ARHGAP23: variants seen among roughly 807,000 people sequenced by gnomAD.
ARHGAP23 encodes the protein rho GTPase-activating protein 23.
A neutral mutation model predicts 136.3 loss-of-function variants in ARHGAP23; 34 were observed. That is an observed-to-expected ratio of 0.25 (90% CI 0.19 to 0.33). The LOEUF (loss-of-function observed/expected upper bound fraction) is 0.33. Ranked by LOEUF, ARHGAP23 falls within the 10% of genes least tolerant of loss-of-function variation. ARHGAP23 has a pLI of 1.00. For synonymous variants in ARHGAP23, 832 were observed against 920.5 expected (o/e 0.90, Z 1.74); for missense variants, 1,808 against 2,139.0 (o/e 0.85, Z 3.05).
intron 19 of ARHGAP23, 118 bp downstream of exon 19, chr17:38,490,669 C>T (rs2040257602): frequency 1.2e-6 from 1 of 809,484 alleles, no homozygotes; most frequent in Admixed American, 2.0e-5. Flanking sequence ...TAGGCACGCC[C>T]TCCTCCTATG....
chr17:38,468,999 T>C (rs2039678207), intron 7 of ARHGAP23, 145 bp from the exon 8 acceptor site: 4 of 853,102 alleles, frequency 4.7e-6, no homozygotes, highest in East Asian at 5.5e-5. Context: ...CCAGTCATGC[T>C]TGACAGTGGG....
chr17:38,473,083 C>T (rs2039801031), intron 11 of ARHGAP23, among the ~76,000 whole-genome samples: 2 of 151,474 alleles, frequency 1.3e-5, no homozygotes, highest in African/African-American at 4.9e-5. Flanking sequence ...ACTACAGGCA[C>T]TCACCACCAA....
At chr17:38,490,696 C>A in intron 19 of ARHGAP23, 145 bp downstream of exon 19, 2 of 697,070 alleles carry the variant, frequency 2.9e-6, no homozygotes, top group Non-Finnish European at 5.2e-6. Context: ...CCGTCCCCAC[C>A]CCGCTCCTAC....
Position 38,472,643 on chromosome 17 carries a change from A to G in ARHGAP23, c.2118+637A>G, listed in dbSNP as rs191132981. Reference sequence around the variant, plus strand: ...GGAGAAGGGCAGGGCCCCTGGATCCATGGGGTGCAAATCCTGGCCCCAGGC... The same window carrying G: ...GGAGAAGGGCAGGGCCCCTGGATCCGTGGGGTGCAAATCCTGGCCCCAGGC... On this transcript the variant is annotated intron_variant, in intron 11 of 23. Coordinates refer to ENST00000622683, the MANE Select transcript of ARHGAP23 (RefSeq NM_001199417.2). Among the ~76,000 whole-genome samples the G allele has an allele frequency of 5.4e-4, 82 of 152,238 alleles. No individual in the cohort carries two copies. In the East Asian group the frequency reaches 0.013, roughly 24 times the overall value.
At chr17:38,467,832 T>G (rs773609627) in intron 7 of ARHGAP23, among the ~76,000 whole-genome samples, 4 of 152,230 alleles carry the variant, frequency 2.6e-5, no homozygotes, top group Non-Finnish European at 5.9e-5. Flanking sequence ...CTCCCATTCT[T>G]CCTTCCATCT....
chr17:38,423,296 G>T (rs919249446), intron 1 of ARHGAP23, among the ~76,000 whole-genome samples: 1 of 151,698 alleles, frequency 6.6e-6, no homozygotes, highest in South Asian at 2.1e-4. Context: ...GGGTTCAAGC[G>T]ATTCTCCTGC....
At chr17:38,447,011 A>G (rs556690091) in intron 1 of ARHGAP23, among the ~76,000 whole-genome samples, 3 of 152,072 alleles carry the variant, frequency 2.0e-5, no homozygotes, top group African/African-American at 4.8e-5. Flanking sequence ...TGGGGTCTCT[A>G]TATGTTTCCC....
chr17:38,469,860 C>T lies in ARHGAP23; in HGVS notation c.1930C>T (p.Arg644Cys), dbSNP rs751152407. 9.7e-5 allele frequency: 151 copies of T among 1,551,682 alleles called. No homozygotes were observed. The highest frequency in any genetic ancestry group is 1.7e-4 in the Middle Eastern group (1 of 5,990). ...CTCGCTTTCCAGGCGCCTGCCAAACCGCATACCCAGCCTGCGGATGCTCCG... is the reference window on the plus strand; with the variant it reads ...CTCGCTTTCCAGGCGCCTGCCAAACTGCATACCCAGCCTGCGGATGCTCCG... ...EGRVLRRLPN[R>C]IPSLRMLRSF... The change falls in exon 10 of 24, where the codon CGC becomes TGC. Residue 644 changes from arginine (R) to cysteine (C), a missense_variant. Arg to Cys is a radical substitution (Grantham distance 180). Transcript: ENST00000622683.
chr17:38,448,162 C>T (rs1273280738), intron 1 of ARHGAP23, among the ~76,000 whole-genome samples: 1 of 152,126 alleles, frequency 6.6e-6, no homozygotes, highest in Non-Finnish European at 1.5e-5. Context: ...CCTACTGAAT[C>T]CTCCCTGCTT....
chr17:38,467,417 G>A, intron 7 of ARHGAP23, 86 bp downstream of exon 7: 1 of 1,330,088 alleles, frequency 7.5e-7, no homozygotes, highest in Non-Finnish European at 1.0e-6. Context: ...TGTCTGCCAT[G>A]GGCAGAATTC....
Position 38,512,109 on chromosome 17 carries a change from G to A in ARHGAP23, c.*1137G>A, listed in dbSNP as rs1219893895. 7 of 152,164 alleles carry A rather than the reference G, an allele frequency of 4.6e-5. No individual in the cohort carries two copies. In the East Asian group the frequency reaches 1.3e-3, roughly 29 times the overall value. The allele number at this position is 152,164 out of a possible 1,614,324, so 9.4% of individuals were successfully genotyped here. A position where few individuals can be genotyped will look rare whatever the true frequency, so the allele number is the denominator to read the frequency against. On this transcript the variant is annotated 3_prime_UTR_variant, in exon 24 of 24. Transcript: ENST00000622683. ...GTTTTATGCAAAGATTTACTGTAAA[G>A]TAGATTTCTTTCCCTCCCTCCCCCA...
At chr17:38,476,021 C>A (rs1597810233) in intron 11 of ARHGAP23, among the ~76,000 whole-genome samples, 1 of 152,190 alleles carries the variant, frequency 6.6e-6, no homozygotes, top group South Asian at 2.1e-4. Flanking sequence ...GCTTGGCTCG[C>A]TCACCTGCAA....
intron 23 of ARHGAP23, among the ~76,000 whole-genome samples, chr17:38,506,014 A>G (rs1220559773): frequency 6.6e-6 from 1 of 152,192 alleles, no homozygotes; most frequent in Non-Finnish European, 1.5e-5. Flanking sequence ...CAAGGAGTTT[A>G]TGGACCCCCA....
intron 23 of ARHGAP23, among the ~76,000 whole-genome samples, chr17:38,507,165 T>A (rs1259317783): frequency 3.3e-5 from 5 of 151,722 alleles, no homozygotes; most frequent in Non-Finnish European, 7.4e-5. Flanking sequence ...TCCCAGCTAC[T>A]CGGGAGGCTG....
chr17:38,429,141 C>G (rs2038631359), intron 1 of ARHGAP23, among the ~76,000 whole-genome samples: 1 of 152,252 alleles, frequency 6.6e-6, no homozygotes, highest in East Asian at 1.9e-4. Flanking sequence ...GGCCCAGGAC[C>G]CCGGGCTCTG....
chr17:38,451,766 G>C (rs1043182897), intron 1 of ARHGAP23: 1 of 152,452 alleles, frequency 6.6e-6, no homozygotes, highest in Non-Finnish European at 1.5e-5. Flanking sequence ...CCTTTGGAGA[G>C]TATGACGGAG....
chr17:38,478,032 T>C, intron 12 of ARHGAP23, 136 bp downstream of exon 12: 2 of 971,664 alleles, frequency 2.1e-6, no homozygotes, highest in South Asian at 3.2e-5. Context: ...ACCTCGTGAT[T>C]GTGTCCCCCA....
At chr17:38,505,386 A>G (rs2144812220) in intron 23 of ARHGAP23, among the ~76,000 whole-genome samples, 1 of 152,066 alleles carries the variant, frequency 6.6e-6, no homozygotes, top group African/African-American at 2.4e-5. Context: ...CCTACTGCTT[A>G]GCTTTCTTTA....
chr17:38,426,570 A>AAAAAAAAAAAAAAAAAAAAAC (rs2038573783), upstream of ARHGAP23, among the ~76,000 whole-genome samples: 2 of 150,912 alleles, frequency 1.3e-5, no homozygotes, highest in East Asian at 1.9e-4. Flanking sequence ...AAAAAAAAAA[A>AAAAAAAAAAAAAAAAAAAAAC]AATCCAGGCA....
Sources: gnomAD v4.1 joint callset for allele counts (sites outside exome capture counted in the v4.1 genomes callset) on GRCh38, gnomAD v4.1.1 for gene constraint, MANE v1.5 for transcripts, NCBI Gene and HGNC (gene_info 2026-07-23, HGNC 2026-07-21) for gene names.